Variants in PTPRD observed in about 807,000 individuals in gnomAD.
PTPRD encodes the protein protein tyrosine phosphatase receptor type D.
A neutral mutation model predicts 214.5 loss-of-function variants in PTPRD; 34 were observed. The ratio of observed to expected loss-of-function variants is 0.16; its 90% CI spans 0.12 to 0.21. The LOEUF (loss-of-function observed/expected upper bound fraction) is 0.21, where lower values mean the gene tolerates loss of function less well. PTPRD is among the 10% of genes least tolerant of loss of function. The pLI, the probability that PTPRD is intolerant of heterozygous loss-of-function variation, is 1.00. For synonymous variants in PTPRD, 1,128 were observed against 845.7 expected (o/e 1.33, Z -5.79); for missense variants, 2,545 against 2,398.7 (o/e 1.06, Z -1.27).
chr9:9,048,353 C>G (rs1456635524), intron 10 of PTPRD, among the ~76,000 whole-genome samples: 2 of 152,148 alleles, frequency 1.3e-5, no homozygotes, highest in African/African-American at 4.8e-5. Flanking sequence ...ATCTGCACTC[C>G]TATTTTTATT....
At chr9:10,593,254 C>T (rs1469688328) in intron 2 of PTPRD, among the ~76,000 whole-genome samples, 1 of 151,974 alleles carries the variant, frequency 6.6e-6, no homozygotes, top group Non-Finnish European at 1.5e-5. Context: ...AGTCTGGGGT[C>T]AGGCCTGAGC....
chr9:9,371,283 T>C (rs904053724), intron 9 of PTPRD, among the ~76,000 whole-genome samples: 5 of 152,184 alleles, frequency 3.3e-5, no homozygotes, highest in Admixed American at 2.0e-4. Context: ...ATTGCCTCAA[T>C]TTCAGAGCCT....
intron 11 of PTPRD, among the ~76,000 whole-genome samples, chr9:8,779,935 C>A (rs984974189): frequency 6.6e-6 from 1 of 151,666 alleles, no homozygotes; most frequent in Non-Finnish European, 1.5e-5. Context: ...CAGTGGTAAC[C>A]AGGTGAACTG....
chr9:10,316,579 T>A (rs1427731149), intron 3 of PTPRD, among the ~76,000 whole-genome samples: 1 of 151,966 alleles, frequency 6.6e-6, no homozygotes, highest in African/African-American at 2.4e-5. Flanking sequence ...TTTGGTCTTT[T>A]TCCAGAAAAT....
chr9:10,201,489 A>C (rs73641882), intron 3 of PTPRD, among the ~76,000 whole-genome samples: 5,834 of 152,156 alleles, frequency 0.038, 131 homozygotes, highest in Middle Eastern at 0.078. Flanking sequence ...TTTTAGGATA[A>C]AGTGTAATGT....
chr9:9,040,257 G>A (rs114778739), intron 10 of PTPRD, among the ~76,000 whole-genome samples: 2 of 152,104 alleles, frequency 1.3e-5, no homozygotes, highest in African/African-American at 2.4e-5. Context: ...GAAAGCAGGT[G>A]CTCAGATTCA....
intron 2 of PTPRD, among the ~76,000 whole-genome samples, chr9:10,477,360 G>C (rs1473035306): frequency 6.6e-6 from 1 of 152,054 alleles, no homozygotes; most frequent in Non-Finnish European, 1.5e-5. Flanking sequence ...CATTTATTTG[G>C]CCAACAAACG....
chr9:9,740,994 G>A (rs1173081821), intron 6 of PTPRD, among the ~76,000 whole-genome samples: 1 of 152,164 alleles, frequency 6.6e-6, no homozygotes, highest in African/African-American at 2.4e-5. Context: ...AATTTCAGAC[G>A]CGATTTGAGA....
At chr9:10,438,388 TTTA>T (rs2098736577) in intron 2 of PTPRD, among the ~76,000 whole-genome samples, 1 of 151,552 alleles carries the variant, frequency 6.6e-6, no homozygotes, top group African/African-American at 2.4e-5. Flanking sequence ...TTACGATGGG[TTTA>T]TCACAACATA....
chr9:8,686,336 A>G (rs1268647658), intron 12 of PTPRD, among the ~76,000 whole-genome samples: 1 of 152,184 alleles, frequency 6.6e-6, no homozygotes, highest in Admixed American at 6.5e-5. Flanking sequence ...ATCTGAGTTC[A>G]TGTACAACAT....
intron 14 of PTPRD, among the ~76,000 whole-genome samples, chr9:8,618,906 G>GTGT (rs2095708130): frequency 2.1e-5 from 2 of 96,776 alleles, no homozygotes; most frequent in African/African-American, 7.9e-5. Flanking sequence ...GTTTGTCTGT[G>GTGT]TTTTTTTGTT....
chr9:8,597,756 T>C (rs991468313), intron 14 of PTPRD, among the ~76,000 whole-genome samples: 1 of 152,150 alleles, frequency 6.6e-6, no homozygotes, highest in Admixed American at 6.5e-5. Context: ...TCTCAAATAC[T>C]TATGTGGCTT....
intron 11 of PTPRD, among the ~76,000 whole-genome samples, chr9:8,853,358 T>A (rs2154543550): frequency 6.6e-6 from 1 of 152,306 alleles, no homozygotes; most frequent in Non-Finnish European, 1.5e-5. Flanking sequence ...AGTCACATAT[T>A]CTTTTAGCTA....
Position 8,709,996 on chromosome 9 carries a change from ATTAC to A in PTPRD, c.64+23780_64+23783del, listed in dbSNP as rs555794564. On this transcript the variant is annotated intron_variant, in intron 12 of 45. Transcript: ENST00000381196. ...ACAAACAGCGAACAACTACGGACAA[ATTAC>A]TTAACCCCTCCAAACTACAATTTAC... Among the ~76,000 whole-genome samples, 4 of 152,178 alleles carry A rather than the reference ATTAC, an allele frequency of 2.6e-5. No individual in the cohort carries two copies. The South Asian group carries it at 8.3e-4, about 31-fold the overall frequency.
chr9:8,766,590 C>T (rs1374422745), intron 11 of PTPRD, among the ~76,000 whole-genome samples: 1 of 152,164 alleles, frequency 6.6e-6, no homozygotes, highest in Non-Finnish European at 1.5e-5. Flanking sequence ...AAAGCACTCA[C>T]CTATGTTTGT....
chr9:10,031,472 T>G (rs1383845886), intron 4 of PTPRD, among the ~76,000 whole-genome samples: 1 of 151,270 alleles, frequency 6.6e-6, no homozygotes, highest in Non-Finnish European at 1.5e-5. Flanking sequence ...CCAGCCTACA[T>G]CTTTCTCCAG....
At chr9:8,882,984 C>T (rs778719778) in intron 11 of PTPRD, among the ~76,000 whole-genome samples, 1 of 151,260 alleles carries the variant, frequency 6.6e-6, no homozygotes, top group Admixed American at 6.6e-5. Flanking sequence ...CAAAATCATA[C>T]ATGCACACTT....
chr9:9,236,652 G>C (rs959894211), intron 9 of PTPRD, among the ~76,000 whole-genome samples: 27 of 151,310 alleles, frequency 1.8e-4, no homozygotes, highest in African/African-American at 5.4e-4. Flanking sequence ...TTGGTTTTGG[G>C]TGTCAATTCA....
intron 12 of PTPRD, among the ~76,000 whole-genome samples, chr9:8,651,714 G>A (rs1298342909): frequency 6.6e-6 from 1 of 152,128 alleles, no homozygotes; most frequent in African/African-American, 2.4e-5. Flanking sequence ...CAAAGAGGGG[G>A]AAGGGCCGTT....
Sources: gnomAD v4.1 joint callset for allele counts (sites outside exome capture counted in the v4.1 genomes callset) on GRCh38, gnomAD v4.1.1 for gene constraint, MANE v1.5 for transcripts, NCBI Gene and HGNC (gene_info 2026-07-23, HGNC 2026-07-21) for gene names.